Variants in EXOC4 observed in about 807,000 individuals in gnomAD.
The protein encoded by EXOC4 is SEC8-like 1.
In EXOC4, 71 loss-of-function variants were observed where a neutral mutation model predicts 107.2. That is an observed-to-expected ratio of 0.66 (90% CI 0.55 to 0.81). The LOEUF (loss-of-function observed/expected upper bound fraction) is 0.81, where lower values mean the gene tolerates loss of function less well. EXOC4 is among the 30% of genes least tolerant of loss of function. The pLI is 0.00. For synonymous variants in EXOC4, 456 were observed against 441.2 expected, an observed-to-expected ratio of 1.03 and a Z score of -0.42; for missense variants, 1,108 against 1,189.6, an observed-to-expected ratio of 0.93 and a Z score of 1.01.
In EXOC4 at chr7:133,374,823, A is replaced by G. The variant is rs1796451486; in HGVS notation, c.1008-5A>G. Reference sequence around the variant, plus strand: ...TAAATGTTATTTATTTGTTTATGCCACTAGGTTGCTTCTAGAACTGCTGGA... The same window carrying G: ...TAAATGTTATTTATTTGTTTATGCCGCTAGGTTGCTTCTAGAACTGCTGGA... On this transcript the variant is annotated splice_region_variant and splice_polypyrimidine_tract_variant and intron_variant, in intron 6 of 17. Transcript: ENST00000253861. 6.2e-7 allele frequency: 1 copy of G among 1,610,914 alleles called. No homozygotes were observed. The highest frequency in any genetic ancestry group is 8.5e-7 in the Non-Finnish European group (1 of 1,177,668).
intron 7 of EXOC4, among the ~76,000 whole-genome samples, chr7:133,442,483 T>G (rs556214120): frequency 2.0e-5 from 3 of 152,226 alleles, no homozygotes; most frequent in Admixed American, 6.5e-5. Context: ...AGTTAAGTAG[T>G]GATGGTATGC....
chr7:133,551,747 C>T (rs1248173605), intron 9 of EXOC4: 1 of 151,772 alleles, frequency 6.6e-6, no homozygotes, highest in Non-Finnish European at 1.5e-5. Flanking sequence ...TAAATTTGTC[C>T]AAGAGGTAAG....
intron 17 of EXOC4, among the ~76,000 whole-genome samples, chr7:134,021,776 A>C (rs546661750): frequency 6.6e-6 from 1 of 150,656 alleles, no homozygotes; most frequent in Non-Finnish European, 1.5e-5. Flanking sequence ...CTCTTGATTG[A>C]CTTCTTTCTC....
chr7:133,720,894 T>C (rs1224222666), intron 10 of EXOC4, among the ~76,000 whole-genome samples: 1 of 152,196 alleles, frequency 6.6e-6, no homozygotes, highest in Non-Finnish European at 1.5e-5. Flanking sequence ...TATCTGATAA[T>C]TTTGAGAACA....
intron 9 of EXOC4, among the ~76,000 whole-genome samples, chr7:133,569,059 A>G (rs188513353): frequency 1.3e-5 from 2 of 152,300 alleles, no homozygotes; most frequent in African/African-American, 4.8e-5. Context: ...TCAGTTTTCA[A>G]GATGTTGGAG....
chr7:133,800,155 G>A (rs1451274807), intron 10 of EXOC4, among the ~76,000 whole-genome samples: 1 of 150,860 alleles, frequency 6.6e-6, no homozygotes, highest in African/African-American at 2.4e-5. Context: ...AATGCTGGTG[G>A]CATTAAGTTA....
At chr7:133,390,085 A>G (rs936645155) in intron 7 of EXOC4, among the ~76,000 whole-genome samples, 3 of 152,162 alleles carry the variant, frequency 2.0e-5, no homozygotes, top group South Asian at 2.1e-4. Context: ...CAGCGAAGCC[A>G]TATCAGGCAG....
intron 10 of EXOC4, among the ~76,000 whole-genome samples, chr7:133,695,484 A>AT (rs558830663): frequency 7.9e-5 from 12 of 151,838 alleles, no homozygotes; most frequent in South Asian, 2.1e-4. Context: ...TATGTCTAGC[A>AT]TTTTTTTTAA....
intron 7 of EXOC4, among the ~76,000 whole-genome samples, chr7:133,443,226 T>C (rs932535841): frequency 6.6e-6 from 1 of 152,108 alleles, no homozygotes; most frequent in African/African-American, 2.4e-5. Context: ...ACATGGGTAA[T>C]AGAAGCACTA....
chr7:133,806,903 C>A (rs1459909143), intron 10 of EXOC4, among the ~76,000 whole-genome samples: 1 of 152,174 alleles, frequency 6.6e-6, no homozygotes, highest in Non-Finnish European at 1.5e-5. Flanking sequence ...TTACTTAAAA[C>A]AATGCTGGCC....
chr7:133,609,986 T>C (rs979284237), intron 9 of EXOC4, among the ~76,000 whole-genome samples: 1 of 152,252 alleles, frequency 6.6e-6, no homozygotes, highest in South Asian at 2.1e-4. Context: ...TGCTGCTTTA[T>C]TGTTCTGTAA....
chr7:133,369,828 C>T (rs1350294071), intron 6 of EXOC4, among the ~76,000 whole-genome samples: 18 of 83,906 alleles, frequency 2.1e-4, no homozygotes, highest in Non-Finnish European at 3.9e-4. Context: ...TTTTTTGAGA[C>T]GGAGTTTCGC....
At chr7:133,583,908 T>C (rs891246710) in intron 9 of EXOC4, among the ~76,000 whole-genome samples, 4 of 152,154 alleles carry the variant, frequency 2.6e-5, no homozygotes, top group Admixed American at 6.5e-5. Context: ...ACAGGGTGTC[T>C]ATGAGGTGAT....
rs573648404 is a variant in EXOC4, at chr7:133,645,529, T to G, written c.1514+15388T>G. On this transcript the variant is annotated intron_variant, in intron 10 of 17. Coordinates refer to ENST00000253861, the MANE Select transcript of EXOC4 (RefSeq NM_021807.4). The stretch of plus-strand genomic sequence containing the variant: ...AAGATGCTAGGGACCATTTTTTGAT[T>G]GGCTTTGCATAACTAGAACTTGAAT... Among the ~76,000 whole-genome samples the G allele has an allele frequency of 2.0e-3, 299 of 152,240 alleles. 1 individual carries two copies. Among genetic ancestry groups the G allele is most frequent in the African/African-American group, 6.6e-3 (274 of 41,540 alleles).
chr7:133,786,655 TAGA>T (rs1394132646), intron 10 of EXOC4, among the ~76,000 whole-genome samples: 3 of 152,248 alleles, frequency 2.0e-5, no homozygotes, highest in Non-Finnish European at 4.4e-5. Flanking sequence ...TAAGGCCACA[TAGA>T]AGGTCTGCAC....
intron 7 of EXOC4, among the ~76,000 whole-genome samples, chr7:133,449,900 G>T (rs953326251): frequency 6.6e-6 from 1 of 151,140 alleles, no homozygotes; most frequent in Non-Finnish European, 1.5e-5. Flanking sequence ...TTTGTTTTTT[G>T]CATCTCTGAT....
chr7:133,661,701 A>C lies in EXOC4; in HGVS notation c.1514+31560A>C, dbSNP rs1262784442. 2.7e-5 allele frequency among the ~76,000 whole-genome samples: 4 copies of C among 146,866 alleles called. 1 individual carries two copies. The highest frequency in any genetic ancestry group is 4.3e-4 in the South Asian group (2 of 4,604). ...AAAAAAAAAAAAACAAAAAAAAAAA[A>C]AACAAGAATTTTGATCACAGTCAGA... On this transcript the variant is annotated intron_variant, in intron 10 of 17. Coordinates refer to ENST00000253861, the MANE Select transcript of EXOC4 (RefSeq NM_021807.4).
chr7:133,253,159 C>T lies in EXOC4; in HGVS notation c.58C>T (p.Pro20Ser). The change falls in exon 1 of 18, where the codon CCC becomes TCC. Residue 20 changes from proline (P) to serine (S), a missense_variant. Transcript: ENST00000253861. ...YRSTVSKSKD[P>S]SGLLISVIRT... ...AAGCACAGTCAGCAAAAGCAAAGACCCCTCGGGGCTGCTCATCTCTGTGAT... is the reference window on the plus strand; with the variant it reads ...AAGCACAGTCAGCAAAAGCAAAGACTCCTCGGGGCTGCTCATCTCTGTGAT... 6.2e-7 allele frequency: 1 copy of T among 1,614,154 alleles called. No individual in the cohort carries two copies.
chr7:133,638,401 C>T (rs567382878), intron 10 of EXOC4, among the ~76,000 whole-genome samples: 6 of 152,182 alleles, frequency 3.9e-5, no homozygotes, highest in South Asian at 2.1e-4. Context: ...CTTCAGAGCT[C>T]GGGGTAGATA....
Sources: gnomAD v4.1 joint callset for allele counts (sites outside exome capture counted in the v4.1 genomes callset) on GRCh38, gnomAD v4.1.1 for gene constraint, MANE v1.5 for transcripts, NCBI Gene and HGNC (gene_info 2026-07-23, HGNC 2026-07-21) for gene names.